Variants in STAG1 observed in about 807,000 individuals in gnomAD.
STAG1 encodes the protein STAG1 cohesin complex component.
STAG1 carries 26 observed loss-of-function variants against 170.9 expected under a neutral mutation model. That is an observed-to-expected ratio of 0.15 (90% CI 0.11 to 0.21). STAG1 has a LOEUF of 0.21. STAG1 is among the 10% of genes least tolerant of loss of function. The probability of loss-of-function intolerance (pLI) is 1.00; values close to 1 mark genes in which losing one functional copy is unlikely to be tolerated. For synonymous variants in STAG1, 514 were observed against 497.7 expected (o/e 1.03, Z -0.44); for missense variants, 964 against 1,509.5 (o/e 0.64, Z 5.99).
At chr3:136,737,390 T>C (rs1934402231) in intron 1 of STAG1, among the ~76,000 whole-genome samples, 2 of 152,098 alleles carry the variant, frequency 1.3e-5, no homozygotes, top group South Asian at 2.1e-4. Flanking sequence ...GCGTGAGCCA[T>C]CATGCCGGGC....
intron 1 of STAG1, among the ~76,000 whole-genome samples, chr3:136,656,617 T>TTTTGTGTGTG (rs375214863): frequency 7.0e-6 from 1 of 143,294 alleles, no homozygotes; most frequent in South Asian, 2.2e-4. Flanking sequence ...CTGTATTTAT[T>TTTTGTGTGTG]TGTGTGTGTG....
intron 13 of STAG1, among the ~76,000 whole-genome samples, chr3:136,463,610 G>A (rs1052429495): frequency 6.6e-6 from 1 of 151,262 alleles, no homozygotes; most frequent in African/African-American, 2.4e-5. Flanking sequence ...GGGTACAGTG[G>A]CTCATGCCTG....
chr3:136,735,604 A>G (rs1934288486), intron 1 of STAG1, among the ~76,000 whole-genome samples: 1 of 151,708 alleles, frequency 6.6e-6, no homozygotes, highest in Non-Finnish European at 1.5e-5. Flanking sequence ...CACCCAGCTA[A>G]TTTTTGCGTT....
chr3:136,581,612 C>T (rs556289732), intron 4 of STAG1, among the ~76,000 whole-genome samples: 7 of 152,224 alleles, frequency 4.6e-5, no homozygotes, highest in African/African-American at 1.4e-4. Flanking sequence ...TATTTGGTTA[C>T]ATTTATACAA....
chr3:136,561,797 G>A (rs563596290), intron 5 of STAG1, among the ~76,000 whole-genome samples: 6 of 146,594 alleles, frequency 4.1e-5, no homozygotes, highest in South Asian at 4.4e-4. Context: ...TGAGCATGAC[G>A]CTGGCTTTGG....
At chr3:136,745,579 T>C (rs995487229) in intron 1 of STAG1, among the ~76,000 whole-genome samples, 1 of 152,134 alleles carries the variant, frequency 6.6e-6, no homozygotes, top group Non-Finnish European at 1.5e-5. Flanking sequence ...CATATGACAA[T>C]CTAATGCTCC....
intron 5 of STAG1, among the ~76,000 whole-genome samples, chr3:136,543,518 GTA>G (rs1936004257): frequency 6.6e-6 from 1 of 152,170 alleles, no homozygotes; most frequent in Non-Finnish European, 1.5e-5. Context: ...GACTGTAATT[GTA>G]GTTGCAGTGA....
intron 22 of STAG1, among the ~76,000 whole-genome samples, chr3:136,378,812 C>T (rs1937762088): frequency 6.6e-6 from 1 of 152,168 alleles, no homozygotes; most frequent in South Asian, 2.1e-4. Flanking sequence ...GATATAAGAG[C>T]TCATATTCTT....
At chr3:136,577,308 T>G (rs1185298039) in intron 4 of STAG1, among the ~76,000 whole-genome samples, 5 of 152,170 alleles carry the variant, frequency 3.3e-5, no homozygotes, top group African/African-American at 9.7e-5. Context: ...AGGGGCTGAT[T>G]TTGTTGAAAA....
At chr3:136,744,269 G>A (rs1341641966) in intron 1 of STAG1, among the ~76,000 whole-genome samples, 1 of 152,340 alleles carries the variant, frequency 6.6e-6, no homozygotes, top group Non-Finnish European at 1.5e-5. Context: ...AGAGGATGCG[G>A]TAAGCCGAGA....
At position 136,472,405 on chromosome 3, in the gene STAG1, T is replaced by C. The variant is rs2089649450; in HGVS notation, c.1205+8A>G. ...AATAAAGTTAAAATAGTAATGGATA[T>C]TACTTACTGAAGTATCAGAGTAACC... is the stretch of plus-strand genomic sequence containing the variant. On this transcript the variant is annotated splice_region_variant and intron_variant, in intron 12 of 33. Coordinates refer to ENST00000383202, the MANE Select transcript of STAG1 (RefSeq NM_005862.3). The C allele has an allele frequency of 1.3e-6, 2 of 1,597,294 alleles. No homozygotes were observed. The highest frequency in any genetic ancestry group is 1.7e-6 in the Non-Finnish European group (2 of 1,166,672).
intron 3 of STAG1, among the ~76,000 whole-genome samples, chr3:136,615,639 G>A (rs971052028): frequency 2.0e-5 from 3 of 151,252 alleles, no homozygotes; most frequent in Admixed American, 1.3e-4. Flanking sequence ...TTATCCGGGC[G>A]TGATGGTGGG....
intron 4 of STAG1, among the ~76,000 whole-genome samples, chr3:136,589,202 T>C (rs1248905612): frequency 6.6e-6 from 1 of 152,086 alleles, no homozygotes; most frequent in African/African-American, 2.4e-5. Context: ...ATTTTATCTT[T>C]AAAAAGCCAA....
chr3:136,708,547 T>C (rs780353909), intron 1 of STAG1, among the ~76,000 whole-genome samples: 3 of 152,052 alleles, frequency 2.0e-5, no homozygotes, highest in Non-Finnish European at 4.4e-5. Flanking sequence ...CTAGAGATGA[T>C]TGCACAACAA....
At chr3:136,743,480 TTAAG>T (rs1934783732) in intron 1 of STAG1, among the ~76,000 whole-genome samples, 1 of 151,784 alleles carries the variant, frequency 6.6e-6, no homozygotes, top group Admixed American at 6.6e-5. Context: ...TGCCAATCAA[TTAAG>T]TAAAATGAAC....
At position 136,452,137 on chromosome 3, in the gene STAG1, T is replaced by C. The variant is rs757516705; in HGVS notation, c.1324A>G (p.Arg442Gly). 2 of 1,611,746 alleles carry C rather than the reference T, an allele frequency of 1.2e-6. No individual in the cohort carries two copies. Among genetic ancestry groups the C allele is most frequent in the East Asian group, 4.5e-5 (2 of 44,768 alleles). Residue 442 changes from arginine (R) to glycine (G), a missense_variant, in exon 14 of 34, where the codon AGA becomes GGA. This residue lies in a region of STAG1 where 162 missense variants were observed against 211.2 expected (regional missense o/e 0.77). Transcript: ENST00000383202. ...GEFLHKKLFS[R>G]HDPQAEEALA... ...GCTTCTTCTGCTTGTGGGTCATGTC[T>C]GCTAAATAGCCTGGAAATGAAAAAC... is the stretch of plus-strand genomic sequence containing the variant.
chr3:136,737,027 TTTC>T, intron 1 of STAG1: 1 of 1,511,540 alleles, frequency 6.6e-7, no homozygotes. Flanking sequence ...CGCTTTTTTA[TTTC>T]TTCATCTGTA....
At chr3:136,637,056 C>A (rs1418255034) in intron 1 of STAG1, among the ~76,000 whole-genome samples, 2 of 152,192 alleles carry the variant, frequency 1.3e-5, no homozygotes, top group Non-Finnish European at 2.9e-5. Context: ...GCAAACTCCG[C>A]ACAATGGCCC....
intron 1 of STAG1, among the ~76,000 whole-genome samples, chr3:136,703,687 T>C (rs1166020049): frequency 6.6e-6 from 1 of 152,126 alleles, no homozygotes; most frequent in Non-Finnish European, 1.5e-5. Context: ...TTACTTTAAA[T>C]GTAAACAGCT....
Sources: allele counts gnomAD v4.1 joint callset (sites outside exome capture counted in the v4.1 genomes callset), GRCh38; gene constraint gnomAD v4.1.1; regional missense constraint gnomAD v4.1.1; transcripts MANE v1.5; gene names NCBI Gene and HGNC (gene_info 2026-07-23, HGNC 2026-07-21).